ZNF93: variants seen among roughly 807,000 people sequenced by gnomAD.
The protein encoded by ZNF93 is zinc finger protein 93, also known as zinc finger protein 505.
In ZNF93, 29 loss-of-function variants were observed where a neutral mutation model predicts 45.0. The observed-to-expected ratio is 0.64, with a 90% CI of 0.48 to 0.88. ZNF93 has a LOEUF of 0.88. Ranked by LOEUF, ZNF93 falls within the 40% of genes least tolerant of loss-of-function variation. ZNF93 has a pLI of 0.00. For missense variants in ZNF93, 578 were observed against 724.0 expected (o/e 0.80, Z 2.31); for synonymous variants, 223 against 244.6 (o/e 0.91, Z 0.82).
intron 1 of ZNF93, 66 bp downstream of exon 1, chr19:19,901,157 G>A (rs2122155176): frequency 1.2e-6 from 2 of 1,609,500 alleles, no homozygotes; most frequent in South Asian, 2.2e-5. Flanking sequence ...GGAAAGTGAC[G>A]GTGGCGGGAC....
chr19:19,924,039 C>G (rs971949242), intron 3 of ZNF93, among the ~76,000 whole-genome samples: 3 of 152,132 alleles, frequency 2.0e-5, no homozygotes, highest in Non-Finnish European at 4.4e-5. Flanking sequence ...GCAGCTGTTC[C>G]TATTTGGCCA....
intron 3 of ZNF93, among the ~76,000 whole-genome samples, chr19:19,926,783 CATGTCTATCAATCAGATTATAT>C (rs1416222411): frequency 2.6e-5 from 4 of 152,090 alleles, no homozygotes; most frequent in African/African-American, 9.7e-5. Context: ...ATAAATTATG[CATGTCTATCAATCAGATTATAT>C]ATGTATATGT....
chr19:19,914,813 G>C, intron 1 of ZNF93: 2 of 369,528 alleles, frequency 5.4e-6, no homozygotes, highest in Non-Finnish European at 1.0e-5. Flanking sequence ...CAAAAACATT[G>C]ACATTTTTGG....
intron 3 of ZNF93, among the ~76,000 whole-genome samples, chr19:19,925,518 T>C (rs181821153): frequency 2.0e-5 from 3 of 152,344 alleles, no homozygotes; most frequent in Middle Eastern, 3.4e-3. Flanking sequence ...TCACTCTCCC[T>C]GTAGATTTTT....
intron 1 of ZNF93, among the ~76,000 whole-genome samples, chr19:19,907,228 G>GTAGACAA (rs2063295555): frequency 6.6e-6 from 1 of 151,954 alleles, no homozygotes; most frequent in Non-Finnish European, 1.5e-5. Flanking sequence ...AGTAGACACA[G>GTAGACAA]ATTTGTTTAG....
intron 1 of ZNF93, among the ~76,000 whole-genome samples, chr19:19,901,395 CAG>C (rs1176628151): frequency 6.6e-6 from 1 of 152,168 alleles, no homozygotes; most frequent in East Asian, 1.9e-4. Flanking sequence ...GGAGAGTCGT[CAG>C]GGGAGAATCC....
In ZNF93 at chr19:19,934,892, C is replaced by A; in HGVS notation, c.*74C>A. 2 of 1,471,272 alleles carry A rather than the reference C, an allele frequency of 1.4e-6. No homozygotes were observed. Among genetic ancestry groups the A allele is most frequent in the Non-Finnish European group, 9.1e-7 (1 of 1,095,164 alleles). The allele number at this position is 1,471,272 out of a possible 1,614,324, so 91.1% of individuals were successfully genotyped here. A position where few individuals can be genotyped will look rare whatever the true frequency, so the allele number is the denominator to read the frequency against. On this transcript the variant is annotated 3_prime_UTR_variant, in exon 4 of 4. Coordinates refer to ENST00000343769, the MANE Select transcript of ZNF93 (RefSeq NM_031218.4). The stretch of plus-strand genomic sequence containing the variant: ...ATACACTGAGAGTTCTGAACTTACT[C>A]TGTAACCATCCCAAACTCCTCCCAG...
chr19:19,923,498 A>G (rs536338518), intron 3 of ZNF93, among the ~76,000 whole-genome samples: 1 of 152,160 alleles, frequency 6.6e-6, no homozygotes, highest in South Asian at 2.1e-4. Context: ...TTGTTTGGCT[A>G]TGCCCTGCCC....
chr19:19,915,720 T>C (rs1397615925), intron 2 of ZNF93, among the ~76,000 whole-genome samples: 3 of 152,092 alleles, frequency 2.0e-5, no homozygotes, highest in Non-Finnish European at 2.9e-5. Flanking sequence ...CATGCGGCTG[T>C]AATCCCAGCT....
chr19:19,930,726 C>T (rs183103887), intron 3 of ZNF93, among the ~76,000 whole-genome samples: 3 of 152,062 alleles, frequency 2.0e-5, no homozygotes, highest in African/African-American at 2.4e-5. Flanking sequence ...GATTATAGAT[C>T]GAGGATTATT....
chr19:19,932,446 A>G (rs2063377665), intron 3 of ZNF93: 1 of 152,010 alleles, frequency 6.6e-6, no homozygotes, highest in Non-Finnish European at 1.5e-5. Context: ...ATCTCATCCA[A>G]TCTCTGTCTT....
chr19:19,930,635 C>T (rs1484499838), intron 3 of ZNF93, among the ~76,000 whole-genome samples: 2 of 152,186 alleles, frequency 1.3e-5, no homozygotes, highest in Non-Finnish European at 2.9e-5. Context: ...TAACAGAAGG[C>T]TCTCACTCTT....
chr19:19,903,032 C>T (rs1220140470), intron 1 of ZNF93, among the ~76,000 whole-genome samples: 1 of 152,134 alleles, frequency 6.6e-6, no homozygotes, highest in Non-Finnish European at 1.5e-5. Flanking sequence ...AGCCACCGCG[C>T]CCGGCCTTTG....
intron 1 of ZNF93, among the ~76,000 whole-genome samples, chr19:19,911,970 T>C (rs1468900105): frequency 6.6e-6 from 1 of 152,170 alleles, no homozygotes; most frequent in Admixed American, 6.5e-5. Context: ...GGCTGGTCTT[T>C]AACTGCTTGA....
At chr19:19,915,675 T>C (rs1161321379) in intron 2 of ZNF93, among the ~76,000 whole-genome samples, 1 of 152,008 alleles carries the variant, frequency 6.6e-6, no homozygotes, top group Non-Finnish European at 1.5e-5. Context: ...ACCCCATCTC[T>C]ACTAAAAATA....
At chr19:19,918,522 G>A (rs1238474628) in intron 3 of ZNF93, among the ~76,000 whole-genome samples, 8 of 152,068 alleles carry the variant, frequency 5.3e-5, no homozygotes, top group African/African-American at 9.7e-5. Flanking sequence ...CTGAGGAATC[G>A]CCACACTGAC....
intron 1 of ZNF93, among the ~76,000 whole-genome samples, chr19:19,912,765 C>G (rs557601748): frequency 2.2e-4 from 33 of 151,966 alleles, no homozygotes; most frequent in African/African-American, 7.7e-4. Context: ...TTATCTAAAT[C>G]CTGAAAATTA....
intron 3 of ZNF93, among the ~76,000 whole-genome samples, chr19:19,921,306 G>T (rs1374916470): frequency 6.6e-6 from 1 of 151,362 alleles, no homozygotes; most frequent in Non-Finnish European, 1.5e-5. Flanking sequence ...GGTCTGAGAG[G>T]CAGTTTGTTA....
chr19:19,932,401 T>G (rs2035026433), intron 3 of ZNF93: 1 of 152,350 alleles, frequency 6.6e-6, no homozygotes, highest in African/African-American at 2.4e-5. Flanking sequence ...AACACCACTC[T>G]GTTTTCTGTT....
Sources: allele counts gnomAD v4.1 joint callset (sites outside exome capture counted in the v4.1 genomes callset), GRCh38; gene constraint gnomAD v4.1.1; transcripts MANE v1.5; gene names NCBI Gene and HGNC (gene_info 2026-07-23, HGNC 2026-07-21).